ZNF169: variants seen among roughly 807,000 people sequenced by gnomAD.
ZNF169 encodes zinc finger protein 169.
Under a neutral mutation model 12.0 loss-of-function variants are expected in ZNF169, and 11 were observed. That is an observed-to-expected ratio of 0.92 (90% CI 0.58 to 1.52). The LOEUF (loss-of-function observed/expected upper bound fraction) is 1.52, where lower values mean the gene tolerates loss of function less well. Among genes scored for constraint, ZNF169 ranks in the 40% most tolerant of loss-of-function variants. The pLI, the probability that ZNF169 is intolerant of heterozygous loss-of-function variation, is 0.00. For synonymous variants in ZNF169, 302 were observed against 286.5 expected (o/e 1.05, Z -0.55); for missense variants, 722 against 744.0 (o/e 0.97, Z 0.34).
chr9:94,284,276 T>C (rs1830686273), intron 2 of ZNF169, among the ~76,000 whole-genome samples: 1 of 151,280 alleles, frequency 6.6e-6, no homozygotes, highest in Admixed American at 6.6e-5. Flanking sequence ...AATACAAAAA[T>C]TAGCCGGGCG....
chr9:94,296,680 T>C (rs910229639), intron 4 of ZNF169: 4 of 400,838 alleles, frequency 1.0e-5, no homozygotes, highest in African/African-American at 6.5e-5. Flanking sequence ...CCATATGTGA[T>C]AGGTCTATAC....
intron 1 of ZNF169, among the ~76,000 whole-genome samples, chr9:94,265,896 A>G (rs1420817048): frequency 6.6e-6 from 1 of 152,002 alleles, no homozygotes; most frequent in Non-Finnish European, 1.5e-5. Flanking sequence ...GTTTAATCCT[A>G]AATGGGTCCT....
At position 94,300,699 on chromosome 9, in the gene ZNF169, C is replaced by T. The variant is rs12236219; in HGVS notation, c.1141C>T (p.Arg381Cys). The change falls in exon 5 of 5, where the codon CGT becomes TGT. Residue 381 changes from arginine to cysteine, a missense_variant. Transcript: ENST00000395395. Reference protein sequence around the residue: ...ERPFLCLECGRSFRQQSLLLS... With the variant: ...ERPFLCLECGCSFRQQSLLLS... ...GCCCTTCCTGTGCCTTGAGTGTGGG[C>T]GTAGCTTCAGGCAGCAGTCACTCCT... is the stretch of plus-strand genomic sequence containing the variant. 109,550 of 1,613,872 alleles carry T rather than the reference C, an allele frequency of 0.068. 7,717 individuals carry two copies. Among genetic ancestry groups the T allele is most frequent in the East Asian group, 0.34 (15,193 of 44,814 alleles).
At chr9:94,297,209 A>G (rs556551559) in intron 4 of ZNF169, among the ~76,000 whole-genome samples, 19 of 152,294 alleles carry the variant, frequency 1.2e-4, no homozygotes, top group African/African-American at 4.6e-4. Flanking sequence ...ATCTGTATCA[A>G]TTTGTGGAGA....
At chr9:94,266,490 ATAG>A (rs974313398) in intron 1 of ZNF169, among the ~76,000 whole-genome samples, 47 of 152,342 alleles carry the variant, frequency 3.1e-4, no homozygotes, top group Admixed American at 5.2e-4. Context: ...CTGCTGAAAC[ATAG>A]TAGTGTGCAA....
chr9:94,300,324 C>A lies in ZNF169; in HGVS notation c.766C>A (p.His256Asn). Residue 256 changes from histidine to asparagine, a missense_variant, in exon 5 of 5, where the codon CAC becomes AAC. Coordinates refer to ENST00000395395, the MANE Select transcript of ZNF169 (RefSeq NM_194320.4). ...AGACCTTATCAAGCACCAGAGGACA[C>A]ACACCGGGGAGAAGCCATACCTGTG... The part of the protein sequence containing the change: ...RSDLIKHQRT[H>N]TGEKPYLCPE... 1 of 1,614,144 alleles carries A rather than the reference C, an allele frequency of 6.2e-7. No homozygotes were observed. Among genetic ancestry groups the A allele is most frequent in the Non-Finnish European group, 8.5e-7 (1 of 1,180,018 alleles).
chr9:94,269,205 G>T (rs569409789), intron 1 of ZNF169, among the ~76,000 whole-genome samples: 156 of 152,094 alleles, frequency 1.0e-3, no homozygotes, highest in Non-Finnish European at 1.9e-3. Context: ...ACAACACAAG[G>T]GGGAGTGCAC....
chr9:94,262,784 A>T (rs926362166), intron 1 of ZNF169, among the ~76,000 whole-genome samples: 18 of 152,084 alleles, frequency 1.2e-4, no homozygotes, highest in African/African-American at 4.3e-4. Context: ...TTCTGACTAC[A>T]CTCATTACCC....
chr9:94,286,995 A>G (rs1044113468), intron 2 of ZNF169, among the ~76,000 whole-genome samples: 1 of 152,236 alleles, frequency 6.6e-6, no homozygotes, highest in African/African-American at 2.4e-5. Context: ...CACACAATCA[A>G]GCAATGAGCC....
intron 1 of ZNF169, among the ~76,000 whole-genome samples, chr9:94,269,436 G>T (rs552773438): frequency 1.2e-3 from 181 of 152,292 alleles, no homozygotes; most frequent in Non-Finnish European, 2.2e-3. Context: ...AAAGGGACAT[G>T]CAGATTTGCG....
chr9:94,273,890 CT>C (rs1830475496), intron 1 of ZNF169, among the ~76,000 whole-genome samples: 1 of 152,132 alleles, frequency 6.6e-6, no homozygotes. Context: ...AAAGCTATAA[CT>C]TTCTTTCTAA....
Position 94,292,450 on chromosome 9 carries a change from G to A in ZNF169, c.143G>A (p.Ser48Asn). ...AGGGAGGTGATGCTGGAGAACTACA[G>A]CCATCTGGTCTCCCTGGGTAAGGCT... is the stretch of plus-strand genomic sequence containing the variant. ...LYREVMLENY[S>N]HLVSLGIAFS... The change falls in exon 3 of 5, where the codon AGC becomes AAC. Residue 48 changes from serine to asparagine, a missense_variant. Coordinates refer to ENST00000395395, the MANE Select transcript of ZNF169 (RefSeq NM_194320.4). 6.2e-7 allele frequency: 1 copy of A among 1,614,022 alleles called. No individual in the cohort carries two copies.
chr9:94,300,570 A>G lies in ZNF169; in HGVS notation c.1012A>G (p.Arg338Gly), dbSNP rs61154129. The G allele has an allele frequency of 3.7e-6, 6 of 1,614,054 alleles. No individual in the cohort carries two copies. The Admixed American group carries it at 1.0e-4, about 27-fold the overall frequency. ...GAAGATAGCCCTCCTTCTACACCAG[A>G]GGACGCACTTGGAGGAGAAGCCCTT... ...RQKIALLLHQ[R>G]THLEEKPFVC... The change falls in exon 5 of 5, where the codon AGG becomes GGG. Residue 338 changes from arginine (R) to glycine (G), a missense_variant. By Grantham distance (125) the Arg-to-Gly change is moderately radical. Coordinates refer to ENST00000395395, the MANE Select transcript of ZNF169 (RefSeq NM_194320.4).
At chr9:94,291,478 G>T (rs1564090936) in intron 2 of ZNF169, among the ~76,000 whole-genome samples, 1 of 152,026 alleles carries the variant, frequency 6.6e-6, no homozygotes, top group Admixed American at 6.6e-5. Context: ...CAGCAATAAG[G>T]CAAGAAAAGG....
At chr9:94,263,459 A>G (rs1180184830) in intron 1 of ZNF169, among the ~76,000 whole-genome samples, 1 of 147,734 alleles carries the variant, frequency 6.8e-6, no homozygotes, top group East Asian at 2.0e-4. Flanking sequence ...TTTTCTTTCA[A>G]CTGACCTATG....
At chr9:94,286,799 C>T (rs949806378) in intron 2 of ZNF169, among the ~76,000 whole-genome samples, 1 of 152,130 alleles carries the variant, frequency 6.6e-6, no homozygotes, top group Non-Finnish European at 1.5e-5. Flanking sequence ...CAAAGAAACA[C>T]AACACAAAAA....
intron 4 of ZNF169, 135 bp downstream of exon 4, chr9:94,293,204 G>A (rs1319929541): frequency 1.3e-6 from 1 of 776,970 alleles, no homozygotes; most frequent in Admixed American, 2.1e-5. Context: ...AAGGCTGCAT[G>A]GCACTGCCTG....
chr9:94,297,415 T>C (rs1473258269), intron 4 of ZNF169, among the ~76,000 whole-genome samples: 1 of 152,220 alleles, frequency 6.6e-6, no homozygotes, highest in Non-Finnish European at 1.5e-5. Context: ...CAGTTGTTTA[T>C]TGATGGTATG....
Position 94,293,032 on chromosome 9 carries a change from G to A in ZNF169, c.219G>A (p.Trp73Ter), listed in dbSNP as rs1314798027. The change falls in exon 4 of 5, where the codon TGG becomes TGA. Residue 73 changes from tryptophan (W) to a stop codon, truncating the protein, a stop_gained. Coordinates refer to ENST00000395395, the MANE Select transcript of ZNF169 (RefSeq NM_194320.4). LOFTEE classifies it low-confidence loss of function (END_TRUNC). ...IEQLEQGDEPWREENEHLLDL... is the reference protein window; with the variant it reads ...IEQLEQGDEP ...AGCTGGAGCAAGGCGACGAACCTTG[G>A]AGAGAGGAGAACGAACATCTTCTGG... 1.1e-5 allele frequency: 18 copies of A among 1,613,608 alleles called. No homozygotes were observed. Among genetic ancestry groups the A allele is most frequent in the Non-Finnish European group, 1.4e-5 (16 of 1,179,792 alleles).
Sources: allele counts gnomAD v4.1 joint callset (sites outside exome capture counted in the v4.1 genomes callset), GRCh38; gene constraint gnomAD v4.1.1; transcripts MANE v1.5; gene names NCBI Gene and HGNC (gene_info 2026-07-23, HGNC 2026-07-21).